The following RBFOX1 variants were observed in gnomAD, a reference collection of about 807,000 sequenced individuals.
RBFOX1 encodes the protein RNA binding fox-1 homolog 1, also known as RNA binding protein fox-1 homolog 1.
Under a neutral mutation model 57.7 loss-of-function variants are expected in RBFOX1, and 8 were observed. That is an observed-to-expected ratio of 0.14 (90% CI 0.08 to 0.25). The LOEUF is 0.25. RBFOX1 is among the 10% of genes least tolerant of loss of function. The probability of loss-of-function intolerance (pLI) is 1.00; values close to 1 mark genes in which losing one functional copy is unlikely to be tolerated. For missense variants in RBFOX1, 611 were observed against 548.5 expected (o/e 1.11, Z -1.14); for synonymous variants, 326 against 222.4 (o/e 1.47, Z -4.15).
chr16:5,503,025 G>T (rs1034087873), intron 2 of RBFOX1, among the ~76,000 whole-genome samples: 3 of 152,168 alleles, frequency 2.0e-5, no homozygotes, highest in African/African-American at 7.2e-5. Flanking sequence ...TTTCTTCCCT[G>T]GGGCTTTTCA....
intron 3 of RBFOX1, among the ~76,000 whole-genome samples, chr16:6,922,899 G>T (rs372228233): frequency 1.4e-4 from 21 of 152,228 alleles, no homozygotes; most frequent in African/African-American, 4.6e-4. Context: ...AAACAAGGGG[G>T]TCTATATGTC....
At chr16:7,044,856 C>T (rs531187709) in intron 3 of RBFOX1, among the ~76,000 whole-genome samples, 7 of 152,204 alleles carry the variant, frequency 4.6e-5, no homozygotes, top group African/African-American at 1.2e-4. Context: ...TTTCCACCTC[C>T]CCTCTCCCCA....
chr16:6,352,874 A>G (rs1241126442), intron 2 of RBFOX1, among the ~76,000 whole-genome samples: 7 of 151,812 alleles, frequency 4.6e-5, no homozygotes, highest in Admixed American at 4.6e-4. Context: ...CGCAAACACA[A>G]CATGCATCAC....
In RBFOX1 at chr16:6,644,172, C is replaced by G. The variant is rs546521672; in HGVS notation, c.-63-10431C>G. 5.9e-5 allele frequency among the ~76,000 whole-genome samples: 9 copies of G among 152,214 alleles called. No individual in the cohort carries two copies. The South Asian group carries it at 1.9e-3, about 32-fold the overall frequency. On this transcript the variant is annotated intron_variant, in intron 2 of 15. Coordinates refer to ENST00000550418, the MANE Select transcript of RBFOX1 (RefSeq NM_018723.4). ...ATAAAATCACCAGTATGCTCTTAGTCTTAGCATCTAAACTCATATTCAGTG... is the reference window on the plus strand; with the variant it reads ...ATAAAATCACCAGTATGCTCTTAGTGTTAGCATCTAAACTCATATTCAGTG...
chr16:6,160,169 C>G (rs1348691259), intron 1 of RBFOX1, among the ~76,000 whole-genome samples: 1 of 152,098 alleles, frequency 6.6e-6, no homozygotes, highest in South Asian at 2.1e-4. Context: ...TTTTCCTAAC[C>G]TTAATTAAAT....
chr16:6,582,936 T>A (rs1217366479), intron 2 of RBFOX1, among the ~76,000 whole-genome samples: 1 of 151,024 alleles, frequency 6.6e-6, no homozygotes, highest in Non-Finnish European at 1.5e-5. Flanking sequence ...TCCCCTCCCC[T>A]CCCCTCCTCT....
intron 4 of RBFOX1, among the ~76,000 whole-genome samples, chr16:7,508,101 C>G (rs1203888916): frequency 6.6e-6 from 1 of 152,050 alleles, no homozygotes; most frequent in African/African-American, 2.4e-5. Flanking sequence ...ATTCTCGTGC[C>G]TCAGCCTCCA....
intron 1 of RBFOX1, among the ~76,000 whole-genome samples, chr16:6,233,074 G>T (rs2097477434): frequency 6.6e-6 from 1 of 152,170 alleles, no homozygotes; most frequent in Non-Finnish European, 1.5e-5. Flanking sequence ...GGAAATTCTT[G>T]TAGTTTACTG....
In RBFOX1 at chr16:6,780,444, ATATATACATTTTTATATATATT is replaced by A. The variant is rs1228812650; in HGVS notation, c.-16+125836_-16+125857del. 5.8e-3 allele frequency among the ~76,000 whole-genome samples: 647 copies of A among 112,458 alleles called. 19 individuals carry two copies. Among genetic ancestry groups the A allele is most frequent in the East Asian group, 0.012 (43 of 3,552 alleles). 73.8% of individuals were successfully genotyped at this position (112,458 alleles called of 152,430 possible). A position where few individuals can be genotyped will look rare whatever the true frequency, so the allele number is the denominator to read the frequency against. On this transcript the variant is annotated intron_variant, in intron 3 of 15. Coordinates refer to ENST00000550418, the MANE Select transcript of RBFOX1 (RefSeq NM_018723.4). ...TTTATATATATTTATAGATATATTT[ATATATACATTTTTATATATATT>A]TATATACATTTTTATATATATTTAT...
chr16:6,577,888 G>A (rs1456800847), intron 2 of RBFOX1, among the ~76,000 whole-genome samples: 1 of 152,230 alleles, frequency 6.6e-6, no homozygotes, highest in Non-Finnish European at 1.5e-5. Context: ...TTAAACAAAC[G>A]AGGCAATCAT....
intron 4 of RBFOX1, among the ~76,000 whole-genome samples, chr16:7,195,698 C>G (rs973696122): frequency 6.6e-6 from 1 of 152,036 alleles, no homozygotes; most frequent in African/African-American, 2.4e-5. Flanking sequence ...AACTACAGGC[C>G]TGCACCACCA....
intron 1 of RBFOX1, among the ~76,000 whole-genome samples, chr16:5,248,667 TC>T: frequency 6.6e-6 from 1 of 151,880 alleles, no homozygotes; most frequent in South Asian, 2.1e-4. Flanking sequence ...GAAAAGCTGT[TC>T]GGGGGAGACT....
intron 10 of RBFOX1, 69 bp downstream of exon 10, chr16:7,607,407 A>C: frequency 7.0e-7 from 1 of 1,418,632 alleles, no homozygotes; most frequent in Non-Finnish European, 9.8e-7. Context: ...CCAAGAATGA[A>C]TGAGTTTTGT....
intron 3 of RBFOX1, among the ~76,000 whole-genome samples, chr16:6,832,003 T>A (rs2092741716): frequency 6.6e-6 from 1 of 152,250 alleles, no homozygotes; most frequent in South Asian, 2.1e-4. Context: ...ATGGTATCAC[T>A]AATTAAATAA....
intron 1 of RBFOX1, among the ~76,000 whole-genome samples, chr16:5,387,345 C>T (rs1471976165): frequency 6.6e-6 from 1 of 152,172 alleles, no homozygotes; most frequent in Non-Finnish European, 1.5e-5. Flanking sequence ...CTTCTATTTT[C>T]CCTTATAAAT....
chr16:7,650,302 T>C (rs1435650438), intron 11 of RBFOX1, among the ~76,000 whole-genome samples: 1 of 146,500 alleles, frequency 6.8e-6, no homozygotes, highest in Non-Finnish European at 1.5e-5. Context: ...AAGCATGACC[T>C]GTGGAACTCT....
chr16:6,597,136 T>C (rs1202088525), intron 2 of RBFOX1, among the ~76,000 whole-genome samples: 1 of 152,208 alleles, frequency 6.6e-6, no homozygotes, highest in African/African-American at 2.4e-5. Context: ...GGAGTTGACA[T>C]CTACTGTATA....
At chr16:5,385,671 G>T (rs1448006576) in intron 1 of RBFOX1, among the ~76,000 whole-genome samples, 1 of 152,122 alleles carries the variant, frequency 6.6e-6, no homozygotes. Flanking sequence ...CATTGTCTCT[G>T]TAAGTTTCAG....
intron 4 of RBFOX1, among the ~76,000 whole-genome samples, chr16:7,115,542 A>G (rs547151322): frequency 3.9e-5 from 6 of 152,180 alleles, no homozygotes; most frequent in African/African-American, 1.4e-4. Context: ...TTTGAGGGGG[A>G]CCTTCACTGA....
Sources: gnomAD v4.1 joint callset for allele counts (sites outside exome capture counted in the v4.1 genomes callset) on GRCh38, gnomAD v4.1.1 for gene constraint, MANE v1.5 for transcripts, NCBI Gene and HGNC (gene_info 2026-07-23, HGNC 2026-07-21) for gene names.